Variants in HAPSTR1 observed in about 807,000 individuals in gnomAD.
The protein encoded by HAPSTR1 is HUWE1-associated protein modifying stress responses 1.
the HAPSTR1 span, among the ~76,000 whole-genome samples, chr16:9,114,581 C>G: frequency 0.99 from 150,386 of 152,234 alleles, 74,284 homozygotes; most frequent in East Asian, 1. Context: ...TGTTGGTAGT[C>G]GGGATACGGT....
the HAPSTR1 span, chr16:9,117,177 C>T: frequency 2.3e-6 from 1 of 443,982 alleles, no homozygotes; most frequent in East Asian, 4.0e-5. Context: ...AAACATATAT[C>T]CGTTCCAAGG....
the HAPSTR1 span, chr16:9,102,923 A>C: frequency 6.5e-7 from 1 of 1,537,378 alleles, no homozygotes; most frequent in Non-Finnish European, 8.8e-7. Context: ...GGTTTTCTTT[A>C]GAAGGGAATA....
chr16:9,092,290 C>T, the HAPSTR1 span: 1 of 1,484,380 alleles, frequency 6.7e-7, no homozygotes, highest in African/African-American at 1.4e-5. Context: ...CCGCCGCCAT[C>T]TTGGTACCGC....
chr16:9,114,654 T>G, the HAPSTR1 span, among the ~76,000 whole-genome samples: 1 of 152,148 alleles, frequency 6.6e-6, no homozygotes, highest in Admixed American at 6.6e-5. Flanking sequence ...AGATGAGGCC[T>G]AAGAGGCAGG....
the HAPSTR1 span, among the ~76,000 whole-genome samples, chr16:9,097,252 T>TTC: frequency 5.3e-5 from 8 of 150,648 alleles, no homozygotes; most frequent in African/African-American, 2.0e-4. Flanking sequence ...TTTTTTTTTT[T>TTC]TTTCTTTTGA....
At chr16:9,109,685 G>T in the HAPSTR1 span, 1 of 152,134 alleles carries the variant, frequency 6.6e-6, no homozygotes, top group Non-Finnish European at 1.5e-5. Flanking sequence ...CTTCCCAATT[G>T]TAAGTTCCTT....
At chr16:9,100,186 T>C in the HAPSTR1 span, among the ~76,000 whole-genome samples, 4 of 152,238 alleles carry the variant, frequency 2.6e-5, no homozygotes, top group African/African-American at 9.6e-5. Flanking sequence ...TGAGACTTGG[T>C]TATCTCAGAA....
At chr16:9,092,516 C>A in the HAPSTR1 span, among the ~76,000 whole-genome samples, 1 of 152,046 alleles carries the variant, frequency 6.6e-6, no homozygotes, top group African/African-American at 2.4e-5. Context: ...TCCGAGGGTC[C>A]CCGCTCTCCG....
chr16:9,102,189 A>C, the HAPSTR1 span, among the ~76,000 whole-genome samples: 5 of 152,268 alleles, frequency 3.3e-5, no homozygotes, highest in Non-Finnish European at 7.3e-5. Context: ...TTTTACGGAA[A>C]GTTCAAGGAT....
chr16:9,116,599 A>C, the HAPSTR1 span: 1 of 1,557,290 alleles, frequency 6.4e-7, no homozygotes, highest in Non-Finnish European at 8.7e-7. Context: ...ACAACATGGA[A>C]AGTAAGTGGG....
chr16:9,094,834 TA>T, the HAPSTR1 span, among the ~76,000 whole-genome samples: 1 of 152,230 alleles, frequency 6.6e-6, no homozygotes, highest in South Asian at 2.1e-4. Flanking sequence ...CTAGGCCGTA[TA>T]AAATGGGATT....
At chr16:9,104,739 C>T in the HAPSTR1 span, 2 of 152,190 alleles carry the variant, frequency 1.3e-5, no homozygotes, top group African/African-American at 4.8e-5. Flanking sequence ...TTTGGAAGCT[C>T]AGGCAAAAAT....
the HAPSTR1 span, chr16:9,116,992 T>C: frequency 5.1e-6 from 8 of 1,557,058 alleles, no homozygotes; most frequent in Non-Finnish European, 7.0e-6. Flanking sequence ...AAAGGAAACA[T>C]GAGGCCATCT....
the HAPSTR1 span, among the ~76,000 whole-genome samples, chr16:9,092,522 C>T: frequency 2.6e-5 from 4 of 152,212 alleles, no homozygotes; most frequent in South Asian, 2.1e-4. Flanking sequence ...GGTCCCCGCT[C>T]TCCGGGCCCG....
At chr16:9,114,158 G>A in the HAPSTR1 span, among the ~76,000 whole-genome samples, 1 of 152,146 alleles carries the variant, frequency 6.6e-6, no homozygotes, top group Non-Finnish European at 1.5e-5. Flanking sequence ...GGTTGGGGAA[G>A]AGGAAGTGAA....
At chr16:9,093,091 C>G in the HAPSTR1 span, 3 of 1,266,286 alleles carry the variant, frequency 2.4e-6, no homozygotes, top group African/African-American at 1.5e-5. Context: ...TTTCTGCTCC[C>G]CAGCCCAGCT....
the HAPSTR1 span, chr16:9,092,853 T>A: frequency 2.7e-5 from 38 of 1,419,778 alleles, no homozygotes; most frequent in East Asian, 7.0e-4. Context: ...TCTTGTTCTC[T>A]TTCTTTCTCT....
the HAPSTR1 span, chr16:9,118,216 A>G: frequency 6.6e-6 from 1 of 152,578 alleles, no homozygotes; most frequent in Non-Finnish European, 1.5e-5. Context: ...ATTCTATCAT[A>G]TTATTATATT....
the HAPSTR1 span, chr16:9,120,825 C>G: frequency 1.3e-5 from 2 of 151,852 alleles, no homozygotes; most frequent in Non-Finnish European, 2.9e-5. Flanking sequence ...TTACAGGTGC[C>G]TGCCACCACA....
Sources: gnomAD v4.1 joint callset for allele counts (sites outside exome capture counted in the v4.1 genomes callset) on GRCh38, gnomAD v4.1.1 for gene constraint, MANE v1.5 for transcripts, NCBI Gene and HGNC (gene_info 2026-07-23, HGNC 2026-07-21) for gene names.